Variants in ATE1 observed in about 807,000 individuals in gnomAD.
ATE1 encodes the protein arginyl-tRNA--protein transferase 1.
ATE1 carries 36 observed loss-of-function variants against 70.5 expected under a neutral mutation model. The ratio of observed to expected loss-of-function variants is 0.51; its 90% CI spans 0.39 to 0.67. The LOEUF (loss-of-function observed/expected upper bound fraction) is 0.67. Ranked by LOEUF, ATE1 falls within the 30% of genes least tolerant of loss-of-function variation. ATE1 has a pLI of 0.00. For missense variants in ATE1, 593 were observed against 629.5 expected (o/e 0.94, Z 0.62); for synonymous variants, 232 against 219.3 (o/e 1.06, Z -0.51).
chr10:121,841,015 T>A, intron 9 of ATE1, 67 bp downstream of exon 9: 1 of 1,270,636 alleles, frequency 7.9e-7, no homozygotes, highest in Non-Finnish European at 1.0e-6. Flanking sequence ...TAATTAAATA[T>A]AATCAAATGA....
At chr10:121,815,392 C>T (rs1012743764) in intron 10 of ATE1, among the ~76,000 whole-genome samples, 22 of 152,354 alleles carry the variant, frequency 1.4e-4, no homozygotes, top group African/African-American at 4.3e-4. Flanking sequence ...GTCTCGGCCT[C>T]CCAAAGTGCT....
At chr10:121,861,605 G>A (rs1229574142) in intron 8 of ATE1, among the ~76,000 whole-genome samples, 53 of 142,174 alleles carry the variant, frequency 3.7e-4, no homozygotes, top group African/African-American at 1.4e-3. Context: ...GGTGGCGGGA[G>A]GGGGGAGGGG....
intron 7 of ATE1, among the ~76,000 whole-genome samples, chr10:121,876,152 G>A (rs552834217): frequency 6.6e-6 from 1 of 152,238 alleles, no homozygotes; most frequent in Non-Finnish European, 1.5e-5. Flanking sequence ...TCCTGGTGAT[G>A]TTATGGGCAA....
intron 3 of ATE1, among the ~76,000 whole-genome samples, chr10:121,917,215 C>G (rs1241063665): frequency 6.6e-6 from 1 of 151,764 alleles, no homozygotes; most frequent in Non-Finnish European, 1.5e-5. Flanking sequence ...CAGGGGGTAA[C>G]CTGTTCAGAT....
intron 1 of ATE1, chr10:121,927,300 A>G (rs922702288): frequency 4.1e-6 from 4 of 984,584 alleles, no homozygotes; most frequent in African/African-American, 3.5e-5. Flanking sequence ...CCTCGCCGGT[A>G]GCGACCGCGG....
At chr10:121,877,361 T>C (rs1388725425) in intron 7 of ATE1, among the ~76,000 whole-genome samples, 4 of 152,240 alleles carry the variant, frequency 2.6e-5, no homozygotes. Flanking sequence ...TCTTTACATC[T>C]GTTGCTGACA....
intron 10 of ATE1, among the ~76,000 whole-genome samples, chr10:121,822,492 T>C (rs568594898): frequency 6.6e-6 from 1 of 152,302 alleles, no homozygotes; most frequent in African/African-American, 2.4e-5. Context: ...TTCATCAAGC[T>C]GTATATGTAA....
intron 11 of ATE1, among the ~76,000 whole-genome samples, chr10:121,785,812 TTA>T (rs1946181863): frequency 6.6e-6 from 1 of 152,144 alleles, no homozygotes; most frequent in Non-Finnish European, 1.5e-5. Context: ...TATAGCAAAT[TTA>T]AATTTGATAT....
At chr10:121,841,804 T>C (rs907081357) in intron 8 of ATE1, among the ~76,000 whole-genome samples, 2 of 152,048 alleles carry the variant, frequency 1.3e-5, no homozygotes, top group Non-Finnish European at 1.5e-5. Flanking sequence ...AGACTACACA[T>C]TGGGTACAGT....
At chr10:121,784,533 T>C (rs1332182414) in intron 11 of ATE1, among the ~76,000 whole-genome samples, 1 of 152,128 alleles carries the variant, frequency 6.6e-6, no homozygotes, top group Non-Finnish European at 1.5e-5. Flanking sequence ...GTACATAATA[T>C]ATCTTTGAGA....
At chr10:121,880,971 C>A (rs1201771475) in intron 7 of ATE1, among the ~76,000 whole-genome samples, 1 of 152,186 alleles carries the variant, frequency 6.6e-6, no homozygotes, top group African/African-American at 2.4e-5. Flanking sequence ...ATCACATGAG[C>A]TTTGCACTCA....
At chr10:121,830,955 T>C (rs1367899361) in intron 10 of ATE1, among the ~76,000 whole-genome samples, 6 of 152,214 alleles carry the variant, frequency 3.9e-5, no homozygotes, top group Admixed American at 1.3e-4. Flanking sequence ...CTTTGGACTG[T>C]AGCTCAGTTT....
At chr10:121,922,438 T>C in intron 2 of ATE1, 27 bp from the exon 3 acceptor site, 1 of 1,454,814 alleles carries the variant, frequency 6.9e-7, no homozygotes, top group Non-Finnish European at 9.5e-7. Context: ...AGTTTGTTAA[T>C]GTCTTATATA....
Position 121,773,221 on chromosome 10 carries a change from G to A in ATE1, c.1378+16948C>T, listed in dbSNP as rs74960787. Among the ~76,000 whole-genome samples, 64 of 152,218 alleles carry A rather than the reference G, an allele frequency of 4.2e-4. No homozygotes were observed. In the East Asian group the frequency reaches 0.01, roughly 24 times the overall value. On this transcript the variant is annotated intron_variant, in intron 11 of 11. Coordinates refer to ENST00000224652, the MANE Select transcript of ATE1 (RefSeq NM_001001976.3). ...AAATGACCTAATGCTCTTGGTTTTC[G>A]TTTTTATTTCATTACACTACACTTT...
intron 8 of ATE1, among the ~76,000 whole-genome samples, chr10:121,852,488 C>T (rs1333089368): frequency 1.3e-5 from 2 of 151,898 alleles, no homozygotes; most frequent in African/African-American, 2.4e-5. Context: ...AGGCAGGCAG[C>T]TCACTTGAGG....
At chr10:121,778,867 T>C (rs1304151335) in intron 11 of ATE1, among the ~76,000 whole-genome samples, 2 of 152,106 alleles carry the variant, frequency 1.3e-5, no homozygotes, top group Non-Finnish European at 1.5e-5. Flanking sequence ...CCTCCCAAAG[T>C]TCTGGGATTA....
At chr10:121,923,482 T>C (rs1951962827) in intron 2 of ATE1, among the ~76,000 whole-genome samples, 2 of 152,020 alleles carry the variant, frequency 1.3e-5, no homozygotes, top group Admixed American at 1.3e-4. Context: ...AGCGAGACCA[T>C]GTCTCTAAAA....
intron 11 of ATE1, among the ~76,000 whole-genome samples, chr10:121,766,826 T>C (rs1945298217): frequency 2.0e-5 from 3 of 152,144 alleles, no homozygotes; most frequent in Non-Finnish European, 2.9e-5. Context: ...CCAGATGGCA[T>C]AGAGACAATG....
intron 8 of ATE1, among the ~76,000 whole-genome samples, chr10:121,864,602 T>C (rs1949595346): frequency 6.6e-6 from 1 of 152,250 alleles, no homozygotes; most frequent in Non-Finnish European, 1.5e-5. Context: ...AGTACCATCA[T>C]AATCAGTAGG....
Sources: gnomAD v4.1 joint callset for allele counts (sites outside exome capture counted in the v4.1 genomes callset) on GRCh38, gnomAD v4.1.1 for gene constraint, MANE v1.5 for transcripts, NCBI Gene and HGNC (gene_info 2026-07-23, HGNC 2026-07-21) for gene names.